The following BABAM2 variants were observed in gnomAD, a reference collection of about 807,000 sequenced individuals.
BABAM2 encodes the protein BRISC and BRCA1 A complex member 2.
A neutral mutation model predicts 54.7 loss-of-function variants in BABAM2; 31 were observed. That is an observed-to-expected ratio of 0.57 (90% CI 0.43 to 0.77). BABAM2 has a LOEUF of 0.77. Among genes scored for constraint, BABAM2 ranks in the 30% least tolerant of loss-of-function variants. The probability of loss-of-function intolerance (pLI) is 0.00; values close to 1 mark genes in which losing one functional copy is unlikely to be tolerated. For missense variants in BABAM2, 364 were observed against 455.8 expected (o/e 0.80, Z 1.83); for synonymous variants, 167 against 162.9 (o/e 1.03, Z -0.19).
At chr2:27,909,548 G>A (rs547051318) in intron 2 of BABAM2, among the ~76,000 whole-genome samples, 25 of 152,150 alleles carry the variant, frequency 1.6e-4, no homozygotes, top group Non-Finnish European at 2.6e-4. Context: ...CTTTTAATGC[G>A]CAAAAGTTTC....
chr2:27,968,656 G>A (rs1413000318), intron 3 of BABAM2, among the ~76,000 whole-genome samples: 9 of 152,310 alleles, frequency 5.9e-5, no homozygotes, highest in South Asian at 2.1e-4. Context: ...ACACCAGCCC[G>A]TGAAGGCAGC....
intron 7 of BABAM2, among the ~76,000 whole-genome samples, chr2:28,178,606 A>G (rs1675274118): frequency 6.6e-6 from 1 of 152,054 alleles, no homozygotes; most frequent in South Asian, 2.1e-4. Context: ...AAAAGCAAGA[A>G]CAAACCAAAC....
chr2:28,192,295 A>T (rs575830901), intron 7 of BABAM2, among the ~76,000 whole-genome samples: 1 of 152,206 alleles, frequency 6.6e-6, no homozygotes, highest in East Asian at 1.9e-4. Context: ...CGGCCTCCCA[A>T]AGTGCTGGGA....
At chr2:28,051,036 C>G (rs1677958598) in intron 6 of BABAM2, among the ~76,000 whole-genome samples, 1 of 152,212 alleles carries the variant, frequency 6.6e-6, no homozygotes, top group South Asian at 2.1e-4. Context: ...TCTTAATCCC[C>G]TTATAACTGG....
rs7606190 is a variant in BABAM2, at chr2:28,138,547, G to A, written c.680+9167G>A. ...TTAAGGATCTATATTCTATAGTTCAGTTCTGCATTTTTAATGTCTTCTATA... is the reference window on the plus strand; with the variant it reads ...TTAAGGATCTATATTCTATAGTTCAATTCTGCATTTTTAATGTCTTCTATA... On this transcript the variant is annotated intron_variant, in intron 7 of 11. Coordinates refer to ENST00000379624, the MANE Select transcript of BABAM2 (RefSeq NM_199191.3). Among the ~76,000 whole-genome samples, 1,256 of 152,214 alleles carry A rather than the reference G, an allele frequency of 8.3e-3. 17 individuals carry two copies. Among genetic ancestry groups the A allele is most frequent in the African/African-American group, 0.029 (1,200 of 41,538 alleles).
intron 4 of BABAM2, among the ~76,000 whole-genome samples, chr2:28,022,384 G>A (rs551664089): frequency 7.2e-5 from 11 of 152,376 alleles, no homozygotes; most frequent in African/African-American, 2.4e-4. Flanking sequence ...ACACGTGAAT[G>A]TGAGCAGTTA....
At chr2:28,183,685 C>T (rs909423364) in intron 7 of BABAM2, among the ~76,000 whole-genome samples, 3 of 151,486 alleles carry the variant, frequency 2.0e-5, no homozygotes, top group Non-Finnish European at 2.9e-5. Flanking sequence ...ATAGATTTTG[C>T]AGACACACTG....
intron 3 of BABAM2, among the ~76,000 whole-genome samples, chr2:27,949,774 A>G (rs1201150445): frequency 6.6e-6 from 1 of 151,990 alleles, no homozygotes; most frequent in Non-Finnish European, 1.5e-5. Flanking sequence ...GTTCTTTTGT[A>G]GTGTGGTGTT....
At chr2:27,894,335 G>A (rs1665114132) in intron 1 of BABAM2, among the ~76,000 whole-genome samples, 198 bp from the exon 2 acceptor site, 1 of 152,212 alleles carries the variant, frequency 6.6e-6, no homozygotes, top group South Asian at 2.1e-4. Flanking sequence ...AAGCAGTGAT[G>A]TAGTCCCAGT....
At chr2:28,112,228 T>TTCCTTCCTTCC (rs1668196483) in intron 6 of BABAM2, among the ~76,000 whole-genome samples, 1 of 126,422 alleles carries the variant, frequency 7.9e-6, no homozygotes, top group Non-Finnish European at 1.7e-5. Flanking sequence ...CCTTCCTTCC[T>TTCCTTCCTTCC]TTAAGTTCTG....
At chr2:28,150,122 T>A (rs1389290235) in intron 7 of BABAM2, among the ~76,000 whole-genome samples, 1 of 152,210 alleles carries the variant, frequency 6.6e-6, no homozygotes, top group South Asian at 2.1e-4. Context: ...GTGCTTTGCA[T>A]ATAGAATCTC....
intron 10 of BABAM2, among the ~76,000 whole-genome samples, chr2:28,277,396 T>C (rs1685969566): frequency 6.6e-6 from 1 of 152,172 alleles, no homozygotes; most frequent in Non-Finnish European, 1.5e-5. Flanking sequence ...TGAGCCACTG[T>C]TCCCGGCCCA....
intron 11 of BABAM2, among the ~76,000 whole-genome samples, chr2:28,306,995 C>CTTTTTTTTT (rs143177903): frequency 3.8e-5 from 1 of 26,358 alleles, no homozygotes; most frequent in Non-Finnish European, 7.2e-5. Context: ...CACACCTGGC[C>CTTTTTTTTT]TTTTTTTTTT....
intron 7 of BABAM2, among the ~76,000 whole-genome samples, chr2:28,221,643 G>C (rs908135230): frequency 2.6e-5 from 4 of 152,124 alleles, no homozygotes; most frequent in Non-Finnish European, 4.4e-5. Context: ...GTACTCCACT[G>C]GAAGACTTTG....
chr2:28,336,586 C>G (rs1691486059), intron 11 of BABAM2, among the ~76,000 whole-genome samples: 1 of 152,144 alleles, frequency 6.6e-6, no homozygotes, highest in African/African-American at 2.4e-5. Flanking sequence ...GGCAGGACAG[C>G]TGTGGCACCA....
intron 6 of BABAM2, among the ~76,000 whole-genome samples, chr2:28,067,535 C>T (rs1663719854): frequency 6.6e-6 from 1 of 152,148 alleles, no homozygotes; most frequent in Non-Finnish European, 1.5e-5. Flanking sequence ...AGGAAGAGTG[C>T]AAGTTTGAGG....
chr2:28,102,743 C>A (rs896433059), intron 6 of BABAM2, among the ~76,000 whole-genome samples: 3 of 152,142 alleles, frequency 2.0e-5, no homozygotes, highest in African/African-American at 7.2e-5. Flanking sequence ...AATGTGCGAA[C>A]AGACAAAATA....
At chr2:27,906,524 G>A (rs34483784) in intron 2 of BABAM2, among the ~76,000 whole-genome samples, 33,119 of 152,108 alleles carry the variant, frequency 0.22, 4,455 homozygotes, top group East Asian at 0.62. Flanking sequence ...GTAAGTGGTG[G>A]TGTTGGCCTT....
intron 7 of BABAM2, among the ~76,000 whole-genome samples, chr2:28,212,245 T>C (rs1679531202): frequency 6.6e-6 from 1 of 152,236 alleles, no homozygotes; most frequent in South Asian, 2.1e-4. Context: ...ATTTCAGCCA[T>C]TCATTTATTC....
Sources: gnomAD v4.1 joint callset for allele counts (sites outside exome capture counted in the v4.1 genomes callset) on GRCh38, gnomAD v4.1.1 for gene constraint, MANE v1.5 for transcripts, NCBI Gene and HGNC (gene_info 2026-07-23, HGNC 2026-07-21) for gene names.